Variants in LGSN observed in about 807,000 individuals in gnomAD.
LGSN encodes the protein lengsin.
In LGSN, 21 loss-of-function variants were observed where a neutral mutation model predicts 19.5. The observed-to-expected ratio is 1.07, with a 90% CI of 0.76 to 1.55. The LOEUF (loss-of-function observed/expected upper bound fraction) is 1.55, where lower values mean the gene tolerates loss of function less well. Among genes scored for constraint, LGSN ranks in the 40% most tolerant of loss-of-function variants. The pLI is 0.00. For synonymous variants in LGSN, 257 were observed against 215.6 expected, an observed-to-expected ratio of 1.19 and a Z score of -1.68; for missense variants, 673 against 608.5, an observed-to-expected ratio of 1.11 and a Z score of -1.12.
chr6:63,570,245 T>C, the LGSN span, among the ~76,000 whole-genome samples: 32 of 152,104 alleles, frequency 2.1e-4, no homozygotes, highest in Admixed American at 3.9e-4. Context: ...GCAGGAGAAT[T>C]GCTGGAACCC....
intron 1 of LGSN, among the ~76,000 whole-genome samples, chr6:63,301,228 T>C (rs966034859): frequency 2.0e-5 from 3 of 151,964 alleles, no homozygotes; most frequent in African/African-American, 2.4e-5. Flanking sequence ...GAGGTGGAGG[T>C]TGCAGTGAGC....
intron 1 of LGSN, among the ~76,000 whole-genome samples, chr6:63,307,280 A>G (rs989074141): frequency 6.6e-6 from 1 of 152,226 alleles, no homozygotes; most frequent in Non-Finnish European, 1.5e-5. Flanking sequence ...AGACTAATCA[A>G]CTAACCCAAG....
At chr6:63,524,132 G>A in the LGSN span, among the ~76,000 whole-genome samples, 6 of 152,042 alleles carry the variant, frequency 3.9e-5, no homozygotes, top group Admixed American at 6.6e-5. Flanking sequence ...CTACAGGCCC[G>A]CACCACCACA....
chr6:63,446,175 G>C, the LGSN span, among the ~76,000 whole-genome samples: 1 of 150,962 alleles, frequency 6.6e-6, no homozygotes, highest in Admixed American at 6.6e-5. Flanking sequence ...ATTTGAACCT[G>C]GGAGGCAGAT....
At chr6:63,526,134 G>A in the LGSN span, among the ~76,000 whole-genome samples, 1 of 151,908 alleles carries the variant, frequency 6.6e-6, no homozygotes, top group Non-Finnish European at 1.5e-5. Context: ...AGACCAGCCT[G>A]GCCAACATGG....
chr6:63,341,882 C>G, the LGSN span, among the ~76,000 whole-genome samples: 2 of 152,146 alleles, frequency 1.3e-5, no homozygotes, highest in Non-Finnish European at 2.9e-5. Context: ...ATGCAGCCAG[C>G]CTGTGTACCT....
the LGSN span, among the ~76,000 whole-genome samples, chr6:63,330,032 A>G: frequency 2.0e-5 from 3 of 152,312 alleles, no homozygotes; most frequent in East Asian, 5.8e-4. Flanking sequence ...AGTGAGGGTG[A>G]TGACATGAGC....
chr6:63,502,705 T>C, the LGSN span, among the ~76,000 whole-genome samples: 3 of 152,126 alleles, frequency 2.0e-5, no homozygotes, highest in Non-Finnish European at 4.4e-5. Context: ...GAAAAACGAG[T>C]AAATCCTGAA....
the LGSN span, among the ~76,000 whole-genome samples, chr6:63,468,870 TC>T: frequency 1.3e-5 from 2 of 152,148 alleles, no homozygotes; most frequent in African/African-American, 4.8e-5. Flanking sequence ...TGCCTCAGCC[TC>T]CCAAGTAGCT....
chr6:63,478,251 G>T, the LGSN span, among the ~76,000 whole-genome samples: 6 of 152,160 alleles, frequency 3.9e-5, no homozygotes, highest in Non-Finnish European at 8.8e-5. Flanking sequence ...AGGATTTTAA[G>T]AGGTTAGTAA....
the LGSN span, among the ~76,000 whole-genome samples, chr6:63,401,436 T>G: frequency 1.3e-5 from 2 of 150,148 alleles, no homozygotes; most frequent in Non-Finnish European, 1.5e-5. Flanking sequence ...AAGGTACAAG[T>G]TAATTCAAAA....
chr6:63,343,967 C>A, the LGSN span, among the ~76,000 whole-genome samples: 1 of 152,118 alleles, frequency 6.6e-6, no homozygotes, highest in Non-Finnish European at 1.5e-5. Flanking sequence ...CCCCAGAGAA[C>A]CACCAGCAAG....
chr6:63,389,105 G>C, the LGSN span, among the ~76,000 whole-genome samples: 3 of 152,046 alleles, frequency 2.0e-5, no homozygotes, highest in African/African-American at 7.3e-5. Context: ...CCACCCCTAC[G>C]TGTAAGTAAA....
the LGSN span, among the ~76,000 whole-genome samples, chr6:63,504,520 G>A: frequency 3.3e-5 from 5 of 152,148 alleles, no homozygotes; most frequent in East Asian, 1.9e-4. Context: ...GATTACAGGC[G>A]TGAGCCACTG....
chr6:63,506,797 T>C, the LGSN span, among the ~76,000 whole-genome samples: 2 of 152,206 alleles, frequency 1.3e-5, no homozygotes, highest in African/African-American at 4.8e-5. Context: ...ACATATATTG[T>C]TGCTCTGGTA....
At chr6:63,467,617 T>C in the LGSN span, among the ~76,000 whole-genome samples, 1 of 152,246 alleles carries the variant, frequency 6.6e-6, no homozygotes, top group African/African-American at 2.4e-5. Flanking sequence ...CTGGTGTCTC[T>C]TCCTCTTCTT....
intron 1 of LGSN, among the ~76,000 whole-genome samples, chr6:63,302,793 G>T (rs1768236018): frequency 6.6e-6 from 1 of 152,162 alleles, no homozygotes; most frequent in African/African-American, 2.4e-5. Context: ...CTGGAGAGCT[G>T]CCTGGTCCTT....
chr6:63,572,518 G>C, the LGSN span: 1 of 391,498 alleles, frequency 2.6e-6, no homozygotes, highest in South Asian at 1.3e-4. Context: ...CTGCGGGCCG[G>C]CTCGGCTACG....
rs529124521 is a variant in LGSN at position 63,279,036 on chromosome 6, C to T, written c.*985G>A. ...TTTTGTGATAGTTACAATATTATCT[C>T]ATTCAAACAAAGGCCTGGAACAGGT... On this transcript the variant is annotated 3_prime_UTR_variant, in exon 4 of 4. Coordinates refer to ENST00000370657, the MANE Select transcript of LGSN (RefSeq NM_016571.3). The T allele has an allele frequency of 2.0e-5, 3 of 152,340 alleles. No homozygotes were observed. The South Asian group carries it at 6.2e-4, about 32-fold the overall frequency. The allele number at this position is 152,340 out of a possible 1,614,324, so 9.4% of individuals were successfully genotyped here.
Sources: gnomAD v4.1 joint callset for allele counts (sites outside exome capture counted in the v4.1 genomes callset) on GRCh38, gnomAD v4.1.1 for gene constraint, MANE v1.5 for transcripts, NCBI Gene and HGNC (gene_info 2026-07-23, HGNC 2026-07-21) for gene names.